Variants in ADAMTSL1 observed in about 807,000 individuals in gnomAD.
ADAMTSL1 encodes the protein ADAMTS like 1.
ADAMTSL1 carries 126 observed loss-of-function variants against 201.8 expected under a neutral mutation model. That is an observed-to-expected ratio of 0.62 (90% CI 0.54 to 0.72). The LOEUF (loss-of-function observed/expected upper bound fraction) is 0.72. Ranked by LOEUF, ADAMTSL1 falls within the 30% of genes least tolerant of loss-of-function variation. The pLI, the probability that ADAMTSL1 is intolerant of heterozygous loss-of-function variation, is 0.00. For missense variants in ADAMTSL1, 2,679 were observed against 2,277.8 expected, an observed-to-expected ratio of 1.18 and a Z score of -3.59; for synonymous variants, 1,121 against 903.4, an observed-to-expected ratio of 1.24 and a Z score of -4.32.
chr9:17,967,088 G>A (rs541500179), intron 1 of ADAMTSL1, among the ~76,000 whole-genome samples: 64 of 152,058 alleles, frequency 4.2e-4, no homozygotes, highest in African/African-American at 1.5e-3. Flanking sequence ...TACTATTTCA[G>A]AACCTATATA....
intron 2 of ADAMTSL1, among the ~76,000 whole-genome samples, chr9:18,465,766 T>G (rs199784697): frequency 1.6e-5 from 2 of 122,688 alleles, no homozygotes; most frequent in East Asian, 4.6e-4. Context: ...GTTTTGTTTT[T>G]GAGACAGAGT....
At chr9:18,292,983 C>T (rs1182776537) in intron 2 of ADAMTSL1, among the ~76,000 whole-genome samples, 3 of 152,072 alleles carry the variant, frequency 2.0e-5, no homozygotes, top group African/African-American at 4.8e-5. Context: ...GGCTCAAATC[C>T]GGTCATGGTT....
At chr9:18,508,683 C>A (rs1377780707) in intron 2 of ADAMTSL1, among the ~76,000 whole-genome samples, 1 of 152,096 alleles carries the variant, frequency 6.6e-6, no homozygotes, top group Non-Finnish European at 1.5e-5. Context: ...CAGTTATAGT[C>A]ATGTATAAAA....
chr9:17,983,066 TTC>T (rs1491034317), intron 1 of ADAMTSL1, among the ~76,000 whole-genome samples: 1 of 85,782 alleles, frequency 1.2e-5, no homozygotes, highest in Non-Finnish European at 2.8e-5. Flanking sequence ...TTTTCTTTCT[TTC>T]TTTCTTTCTT....
At chr9:18,639,892 G>A (rs1827337622) in intron 7 of ADAMTSL1, among the ~76,000 whole-genome samples, 1 of 152,106 alleles carries the variant, frequency 6.6e-6, no homozygotes. Flanking sequence ...AGTCTTCAAG[G>A]TAATATAAAA....
intron 2 of ADAMTSL1, among the ~76,000 whole-genome samples, chr9:18,203,273 A>T (rs533942836): frequency 6.6e-6 from 1 of 152,044 alleles, no homozygotes; most frequent in East Asian, 1.9e-4. Flanking sequence ...GACTATATTC[A>T]CCGGCTGACG....
At chr9:18,187,456 A>G (rs1362496793) in intron 2 of ADAMTSL1, among the ~76,000 whole-genome samples, 1 of 152,180 alleles carries the variant, frequency 6.6e-6, no homozygotes, top group Non-Finnish European at 1.5e-5. Context: ...AAGGGCTTAA[A>G]TACCCAAATA....
At chr9:18,557,396 A>G (rs550410849) in intron 3 of ADAMTSL1, among the ~76,000 whole-genome samples, 1 of 152,142 alleles carries the variant, frequency 6.6e-6, no homozygotes, top group South Asian at 2.1e-4. Flanking sequence ...TCTTTAATGA[A>G]CTGATTCAAT....
intron 1 of ADAMTSL1, among the ~76,000 whole-genome samples, chr9:18,067,383 C>T (rs1329679499): frequency 2.4e-5 from 2 of 82,594 alleles, no homozygotes; most frequent in Non-Finnish European, 7.9e-5. Flanking sequence ...TTAGCAGATA[C>T]TCCTCTTCCT....
At chr9:18,783,353 G>C (rs1261157642) in intron 19 of ADAMTSL1, among the ~76,000 whole-genome samples, 2 of 152,094 alleles carry the variant, frequency 1.3e-5, no homozygotes, top group Non-Finnish European at 2.9e-5. Flanking sequence ...TAATTAACAG[G>C]AGCTTGTTAG....
At chr9:18,683,231 T>TG (rs1830617892) in intron 12 of ADAMTSL1, among the ~76,000 whole-genome samples, 2 of 6,634 alleles carry the variant, frequency 3.0e-4, no homozygotes, top group Middle Eastern at 0.14. Flanking sequence ...GTTTTTTTTG[T>TG]TTTTTTTTTT....
chr9:18,355,880 T>C (rs1236972323), intron 2 of ADAMTSL1, among the ~76,000 whole-genome samples: 1 of 152,146 alleles, frequency 6.6e-6, no homozygotes, highest in Non-Finnish European at 1.5e-5. Flanking sequence ...GGCATGGTGG[T>C]AGCACAGGAT....
At chr9:18,906,187 G>A (rs2131624641) in intron 27 of ADAMTSL1, among the ~76,000 whole-genome samples, 1 of 152,282 alleles carries the variant, frequency 6.6e-6, no homozygotes, top group Middle Eastern at 3.4e-3. Context: ...CCCCAGGGTG[G>A]TCAGGAGGTG....
At chr9:17,948,407 T>A (rs1242506807) in intron 1 of ADAMTSL1, among the ~76,000 whole-genome samples, 1 of 152,206 alleles carries the variant, frequency 6.6e-6, no homozygotes, top group African/African-American at 2.4e-5. Flanking sequence ...AGTTAAGGCA[T>A]GTGAGTGGTT....
chr9:18,789,719 A>T (rs1044397990), intron 19 of ADAMTSL1, among the ~76,000 whole-genome samples: 22 of 152,198 alleles, frequency 1.4e-4, no homozygotes, highest in African/African-American at 5.3e-4. Context: ...CAGCACAAGG[A>T]AATAGAACTA....
chr9:18,322,673 C>T (rs961841447), intron 2 of ADAMTSL1, among the ~76,000 whole-genome samples: 7 of 151,744 alleles, frequency 4.6e-5, no homozygotes, highest in Admixed American at 2.6e-4. Context: ...AAAGAAAAAC[C>T]GTTAGCAATA....
chr9:18,247,420 C>T (rs1831300576), intron 2 of ADAMTSL1, among the ~76,000 whole-genome samples: 1 of 152,092 alleles, frequency 6.6e-6, no homozygotes, highest in African/African-American at 2.4e-5. Flanking sequence ...TTAACAAATA[C>T]ATATTCAGAG....
intron 2 of ADAMTSL1, among the ~76,000 whole-genome samples, chr9:18,190,745 C>A (rs181472677): frequency 6.6e-6 from 1 of 152,116 alleles, no homozygotes. Context: ...TGTTTGCTCC[C>A]GTCCATTTGA....
chr9:18,500,776 C>T (rs561964651), intron 1 of ADAMTSL1, among the ~76,000 whole-genome samples: 1 of 152,112 alleles, frequency 6.6e-6, no homozygotes, highest in Non-Finnish European at 1.5e-5. Flanking sequence ...ATATGAGATG[C>T]ACTCTAGACT....
Sources: gnomAD v4.1 joint callset for allele counts (sites outside exome capture counted in the v4.1 genomes callset) on GRCh38, gnomAD v4.1.1 for gene constraint, MANE v1.5 for transcripts, NCBI Gene and HGNC (gene_info 2026-07-23, HGNC 2026-07-21) for gene names.